CA5A: variants seen among roughly 807,000 people sequenced by gnomAD.
The protein encoded by CA5A is carbonic anhydrase 5A, mitochondrial.
A neutral mutation model predicts 37.1 loss-of-function variants in CA5A; 28 were observed. The observed-to-expected ratio is 0.75, with a 90% CI of 0.56 to 1.03. CA5A has a LOEUF of 1.03. CA5A is among the 50% of genes least tolerant of loss of function. The pLI is 0.00. For missense variants in CA5A, 444 were observed against 399.9 expected (o/e 1.11, Z -0.94); for synonymous variants, 171 against 158.4 (o/e 1.08, Z -0.60).
chr16:87,923,854 G>C, intron 2 of CA5A: 1 of 984,328 alleles, frequency 1.0e-6, no homozygotes, highest in Non-Finnish European at 1.2e-6. Context: ...GACAACTATT[G>C]TTCTCAAAAT....
chr16:87,926,912 G>A lies in CA5A; in HGVS notation c.176C>T (p.Pro59Leu), dbSNP rs2056321048. The A allele has an allele frequency of 6.2e-7, 1 of 1,601,574 alleles. No homozygotes were observed. The highest frequency in any genetic ancestry group is 8.5e-7 in the Non-Finnish European group (1 of 1,173,636). ...HPLWTVPVSV[P>L]GGTRQSPINI... ...AATAGGAGACTGCCGGGTGCCCCCT[G>A]GCACGGAGACCGGGACCGTCCAGAG... The change falls in exon 2 of 7, where the codon CCA becomes CTA. Residue 59 changes from proline to leucine, a missense_variant. By Grantham distance (98) the Pro-to-Leu change is moderately conservative. Coordinates refer to ENST00000649794, the MANE Select transcript of CA5A (RefSeq NM_001739.2).
chr16:87,886,249 A>C (rs1345260103), downstream of CA5A: 1 of 149,304 alleles, frequency 6.7e-6, no homozygotes, highest in Non-Finnish European at 1.5e-5. Flanking sequence ...TCACGGGTTC[A>C]AGCAATTCTC....
intron 2 of CA5A, among the ~76,000 whole-genome samples, chr16:87,918,082 G>C (rs191016962): frequency 1.9e-3 from 285 of 152,372 alleles, no homozygotes; most frequent in Non-Finnish European, 3.2e-3. Context: ...GAGGAGCCAA[G>C]AGGTCCCTAG....
intron 5 of CA5A, 95 bp downstream of exon 5, chr16:87,901,817 C>T (rs1056162584): frequency 1.7e-5 from 17 of 991,602 alleles, no homozygotes; most frequent in African/African-American, 9.7e-5. Context: ...GAACTCCCAA[C>T]CTCACGTGAT....
chr16:87,933,089 G>T (rs184760666), intron 1 of CA5A, among the ~76,000 whole-genome samples: 29 of 152,326 alleles, frequency 1.9e-4, no homozygotes, highest in Non-Finnish European at 7.3e-5. Context: ...GCCCAACCAC[G>T]GTCAGCCCGG....
At chr16:87,909,338 C>T (rs1163029344) in intron 2 of CA5A, among the ~76,000 whole-genome samples, 3 of 152,182 alleles carry the variant, frequency 2.0e-5, no homozygotes, top group Non-Finnish European at 4.4e-5. Flanking sequence ...CGGCGGCCAC[C>T]CTGGGCTGGG....
intron 2 of CA5A, among the ~76,000 whole-genome samples, chr16:87,913,258 C>T (rs191577125): frequency 1.2e-3 from 179 of 151,790 alleles, no homozygotes; most frequent in Middle Eastern, 3.4e-3. Flanking sequence ...GGATTACAGG[C>T]GTGAGCCACC....
In CA5A at chr16:87,911,259, G is replaced by T. The variant is rs11865341; in HGVS notation, c.341-6355C>A. Among the ~76,000 whole-genome samples the T allele has an allele frequency of 3.9e-3, 598 of 152,222 alleles. 3 individuals are homozygous for T. Among genetic ancestry groups the T allele is most frequent in the African/African-American group, 0.014 (562 of 41,532 alleles). ...CTGTGTAAGCAGGTGCGTCAGAACC[G>T]GCTCATGGAGATATAATTGAACGAT... On this transcript the variant is annotated intron_variant, in intron 2 of 6. Transcript: ENST00000649794. The surrounding 1 kb of genome is among the most constrained non-coding windows in gnomAD (Gnocchi z 4.6).
intron 2 of CA5A, among the ~76,000 whole-genome samples, chr16:87,913,305 C>CTTTTTTTCT (rs2056079186): frequency 7.5e-6 from 1 of 133,316 alleles, no homozygotes; most frequent in Admixed American, 7.4e-5. Flanking sequence ...ATGTTCCAGT[C>CTTTTTTTCT]TTTTTTTTTT....
At position 87,924,006 on chromosome 16, in the gene CA5A, C is replaced by T. The variant is rs1016024511; in HGVS notation, c.340+2742G>A. The T allele has an allele frequency of 8.1e-6, 8 of 985,376 alleles. No individual in the cohort carries two copies. The African/African-American group carries it at 1.4e-4, about 17-fold the overall frequency. The allele number at this position is 985,376 out of a possible 1,614,324, so 61.0% of individuals were successfully genotyped here. On this transcript the variant is annotated intron_variant, in intron 2 of 6. Transcript: ENST00000649794. ...AAAACTGAAAAGCCAATCTGAGTTG[C>T]TTCTTGGGCATTTGAACTTGGAACA...
At chr16:87,899,708 T>C (rs2143938317) in intron 5 of CA5A, among the ~76,000 whole-genome samples, 1 of 149,520 alleles carries the variant, frequency 6.7e-6, no homozygotes, top group African/African-American at 2.4e-5. Flanking sequence ...TCACTTGAGG[T>C]CAGGAGTTTG....
At chr16:87,913,633 A>C (rs2056084490) in intron 2 of CA5A, among the ~76,000 whole-genome samples, 1 of 149,558 alleles carries the variant, frequency 6.7e-6, no homozygotes, top group African/African-American at 2.5e-5. Flanking sequence ...GCACCTTCCC[A>C]TCTGAGTGTC....
At chr16:87,916,776 C>T (rs2056149847) in intron 2 of CA5A, among the ~76,000 whole-genome samples, 1 of 152,106 alleles carries the variant, frequency 6.6e-6, no homozygotes, top group South Asian at 2.1e-4. Flanking sequence ...TCGCGGTGCA[C>T]CTGGGAAGCG....
At chr16:87,895,954 C>G (rs2143922083) in intron 5 of CA5A, among the ~76,000 whole-genome samples, 1 of 152,244 alleles carries the variant, frequency 6.6e-6, no homozygotes, top group South Asian at 2.1e-4. Context: ...ATGTGGGTAA[C>G]AGGCGGGTGT....
chr16:87,913,509 T>C (rs1356110217), intron 2 of CA5A, among the ~76,000 whole-genome samples: 1 of 152,158 alleles, frequency 6.6e-6, no homozygotes, highest in Non-Finnish European at 1.5e-5. Flanking sequence ...CAGCTCACTG[T>C]GGTGGGCTGT....
intron 6 of CA5A, among the ~76,000 whole-genome samples, chr16:87,891,142 C>CG (rs767358904): frequency 2.7e-4 from 35 of 128,828 alleles, no homozygotes; most frequent in Non-Finnish European, 5.2e-4. Flanking sequence ...AATTAATTTT[C>CG]GAAAAAAAAA....
chr16:87,909,195 G>C (rs1297474582), intron 2 of CA5A, among the ~76,000 whole-genome samples: 4 of 152,086 alleles, frequency 2.6e-5, no homozygotes, highest in Non-Finnish European at 5.9e-5. Context: ...CTACTCACTG[G>C]AGTAAGAGAC....
chr16:87,885,938 A>G (rs1869658649), downstream of CA5A: 1 of 152,154 alleles, frequency 6.6e-6, no homozygotes, highest in South Asian at 2.1e-4. Context: ...TCAGACCTTA[A>G]ACAGTCTAGG....
At chr16:87,923,616 G>A (rs554744425) in intron 2 of CA5A, 33 of 985,324 alleles carry the variant, frequency 3.3e-5, no homozygotes, top group Non-Finnish European at 4.0e-5. Context: ...GGTGCCTGAT[G>A]CTCCACCAGC....
Sources: allele counts gnomAD v4.1 joint callset (sites outside exome capture counted in the v4.1 genomes callset), GRCh38; gene constraint gnomAD v4.1.1; non-coding constraint Gnocchi (gnomAD v3.1); transcripts MANE v1.5; gene names NCBI Gene and HGNC (gene_info 2026-07-23, HGNC 2026-07-21).